CLIC4: variants seen among roughly 807,000 people sequenced by gnomAD.
The protein encoded by CLIC4 is chloride intracellular channel protein 4.
In CLIC4, 13 loss-of-function variants were observed where a neutral mutation model predicts 24.6. The observed-to-expected ratio is 0.53, with a 90% confidence interval of 0.34 to 0.84. The LOEUF (loss-of-function observed/expected upper bound fraction) is 0.84. Among genes scored for constraint, CLIC4 ranks in the 40% least tolerant of loss-of-function variants. The probability of loss-of-function intolerance (pLI) is 0.01; values close to 1 mark genes in which losing one functional copy is unlikely to be tolerated. For missense variants in CLIC4, 227 were observed against 301.7 expected, an observed-to-expected ratio of 0.75 and a Z score of 1.83; for synonymous variants, 104 against 111.3, an observed-to-expected ratio of 0.93 and a Z score of 0.41.
intron 1 of CLIC4, 89 bp downstream of exon 1, chr1:24,745,714 C>T (rs903475762): frequency 1.6e-5 from 17 of 1,078,128 alleles, no homozygotes; most frequent in Non-Finnish European, 2.0e-5. Flanking sequence ...TCCTGAGGCG[C>T]CCCCGCTCGG....
chr1:24,812,256 T>G (rs1373686494), intron 2 of CLIC4, among the ~76,000 whole-genome samples: 1 of 152,208 alleles, frequency 6.6e-6, no homozygotes, highest in Non-Finnish European at 1.5e-5. Flanking sequence ...TTTTTACCCT[T>G]CATTATGCCA....
chr1:24,786,449 A>C (rs1174196056), intron 1 of CLIC4, among the ~76,000 whole-genome samples: 1 of 152,230 alleles, frequency 6.6e-6, no homozygotes, highest in Non-Finnish European at 1.5e-5. Context: ...TGAAGGGAAG[A>C]GGGTGAGGCT....
At position 24,843,733 on chromosome 1, in the gene CLIC4, C is replaced by T. The variant is rs1242480839; in HGVS notation, c.*2796C>T. The T allele has an allele frequency of 6.6e-6, 1 of 152,540 alleles. No individual in the cohort carries two copies. The highest frequency in any genetic ancestry group is 1.9e-4 in the East Asian group (1 of 5,200). 9.4% of individuals were successfully genotyped at this position (152,540 alleles called of 1,614,324 possible). A position where few individuals can be genotyped will look rare whatever the true frequency, so the allele number is the denominator to read the frequency against. Reference sequence around the variant, plus strand: ...CTGTATACAATTAAGAGATTTCTGACATTTATTCTTACACTAAATGGATCA... The same window carrying T: ...CTGTATACAATTAAGAGATTTCTGATATTTATTCTTACACTAAATGGATCA... On this transcript the variant is annotated 3_prime_UTR_variant, in exon 6 of 6. Coordinates refer to ENST00000374379, the MANE Select transcript of CLIC4 (RefSeq NM_013943.3).
chr1:24,836,309 C>T (rs904364603), intron 4 of CLIC4, among the ~76,000 whole-genome samples: 43 of 152,014 alleles, frequency 2.8e-4, no homozygotes, highest in African/African-American at 8.0e-4. Flanking sequence ...TAGAATCAAC[C>T]GCAAAAGGAA....
intron 1 of CLIC4, among the ~76,000 whole-genome samples, chr1:24,785,870 A>G (rs1399914100): frequency 4.6e-5 from 7 of 151,098 alleles, no homozygotes; most frequent in South Asian, 2.1e-4. Flanking sequence ...AAAAAAAAAA[A>G]AAAAAAGAAA....
chr1:24,806,736 A>G (rs755754918), intron 2 of CLIC4, among the ~76,000 whole-genome samples: 3 of 152,184 alleles, frequency 2.0e-5, no homozygotes, highest in Non-Finnish European at 4.4e-5. Flanking sequence ...TTTCCTGCAT[A>G]ATGCTTTGTT....
intron 2 of CLIC4, 76 bp from the exon 3 acceptor site, chr1:24,814,018 A>G (rs1434661985): frequency 7.5e-6 from 12 of 1,590,244 alleles, no homozygotes; most frequent in South Asian, 1.1e-5. Flanking sequence ...TGCCTGGCCA[A>G]CTTTGAGAAT....
chr1:24,756,432 T>C (rs914785381), intron 1 of CLIC4, among the ~76,000 whole-genome samples: 3 of 152,246 alleles, frequency 2.0e-5, no homozygotes, highest in Non-Finnish European at 2.9e-5. Context: ...AAATACAAGC[T>C]GTTTCTTGAA....
At chr1:24,764,203 C>T (rs1379859933) in intron 1 of CLIC4, among the ~76,000 whole-genome samples, 3 of 152,128 alleles carry the variant, frequency 2.0e-5, no homozygotes, top group Admixed American at 6.5e-5. Context: ...CGGGTTCAAG[C>T]GATTCTCCTG....
At chr1:24,800,373 G>T (rs1281140864) in intron 2 of CLIC4, among the ~76,000 whole-genome samples, 1 of 135,414 alleles carries the variant, frequency 7.4e-6, no homozygotes, top group Non-Finnish European at 1.6e-5. Context: ...CCGGCCAGCC[G>T]CCCCGTCCGG....
At chr1:24,755,966 C>G (rs1216729422) in intron 1 of CLIC4, among the ~76,000 whole-genome samples, 2 of 149,498 alleles carry the variant, frequency 1.3e-5, no homozygotes, top group African/African-American at 4.9e-5. Context: ...GGACTACAGG[C>G]ACGCACCACC....
intron 2 of CLIC4, among the ~76,000 whole-genome samples, chr1:24,807,276 TG>T (rs1037046773): frequency 5.3e-5 from 8 of 151,942 alleles, no homozygotes; most frequent in African/African-American, 9.6e-5. Flanking sequence ...CCTTTGGGTT[TG>T]TTTTTTTTTT....
chr1:24,818,462 T>C (rs2124157347), intron 3 of CLIC4, among the ~76,000 whole-genome samples: 1 of 152,140 alleles, frequency 6.6e-6, no homozygotes. Context: ...AATTTTTGTA[T>C]TTTTAGTGGA....
intron 4 of CLIC4, among the ~76,000 whole-genome samples, chr1:24,831,056 A>G (rs867782900): frequency 1.3e-5 from 2 of 152,182 alleles, no homozygotes; most frequent in Non-Finnish European, 2.9e-5. Flanking sequence ...AAACTAATTC[A>G]TCATTCTTTG....
intron 1 of CLIC4, among the ~76,000 whole-genome samples, chr1:24,771,132 T>C (rs1007037044): frequency 8.5e-5 from 13 of 152,178 alleles, no homozygotes; most frequent in Non-Finnish European, 1.8e-4. Flanking sequence ...AGAGAAGAAC[T>C]ATATACACAC....
At chr1:24,796,960 A>T (rs191877318) in intron 1 of CLIC4, among the ~76,000 whole-genome samples, 28,158 of 144,696 alleles carry the variant, frequency 0.19, 3,052 homozygotes, top group Admixed American at 0.28. Context: ...TTATTTATTT[A>T]TTTTTTTTTT....
chr1:24,837,717 A>G (rs1483157125), intron 4 of CLIC4, among the ~76,000 whole-genome samples: 1 of 152,218 alleles, frequency 6.6e-6, no homozygotes, highest in Non-Finnish European at 1.5e-5. Context: ...AGATTGTTTA[A>G]AAATTCAGAA....
chr1:24,751,553 G>T (rs1349128051), intron 1 of CLIC4, among the ~76,000 whole-genome samples: 1 of 152,282 alleles, frequency 6.6e-6, no homozygotes, highest in African/African-American at 2.4e-5. Context: ...ATATTTACTA[G>T]TGTTTCTTCT....
At chr1:24,751,421 A>G (rs1638773692) in intron 1 of CLIC4, among the ~76,000 whole-genome samples, 1 of 151,980 alleles carries the variant, frequency 6.6e-6, no homozygotes, top group Non-Finnish European at 1.5e-5. Context: ...TTGTATTTGT[A>G]GTAGAGACGG....
Sources: gnomAD v4.1 joint callset for allele counts (sites outside exome capture counted in the v4.1 genomes callset) on GRCh38, gnomAD v4.1.1 for gene constraint, MANE v1.5 for transcripts, NCBI Gene and HGNC (gene_info 2026-07-23, HGNC 2026-07-21) for gene names.